ANO3: variants seen among roughly 807,000 people sequenced by gnomAD.
ANO3 encodes the protein anoctamin-3.
In ANO3, 99 loss-of-function variants were observed where a neutral mutation model predicts 144.8. That is an observed-to-expected ratio of 0.68 (90% confidence interval 0.58 to 0.81). ANO3 has a LOEUF of 0.81. Among genes scored for constraint, ANO3 ranks in the 30% least tolerant of loss-of-function variants. ANO3 has a pLI of 0.00. For synonymous variants in ANO3, 414 were observed against 392.6 expected, an observed-to-expected ratio of 1.05 and a Z score of -0.64; for missense variants, 905 against 1,202.2, an observed-to-expected ratio of 0.75 and a Z score of 3.66.
Position 26,656,400 on chromosome 11 carries a change from C to T in ANO3, c.2682C>T (p.Pro894=), listed in dbSNP as rs10835051. Residue 894 remains proline (P), a synonymous_variant, in exon 26 of 27, where the codon CCC becomes CCT. Coordinates refer to ENST00000256737, the MANE Select transcript of ANO3 (RefSeq NM_031418.4). ...GGTACAGAGACTACAGAGGCCCGCC[C>T]TGGAGTTCCAAACCCTATGAGTTTA... is the stretch of plus-strand genomic sequence containing the variant. ...YCRYRDYRGP[P]WSSKPYEFTL... The T allele has an allele frequency of 0.64, 1,025,676 of 1,605,074 alleles. 333,404 individuals carry two copies. Among genetic ancestry groups the T allele is most frequent in the South Asian group, 0.75 (68,128 of 90,864 alleles).
chr11:26,598,134 C>G (rs1165494981), intron 14 of ANO3, among the ~76,000 whole-genome samples: 1 of 152,116 alleles, frequency 6.6e-6, no homozygotes, highest in Non-Finnish European at 1.5e-5. Flanking sequence ...GACAAAAAGT[C>G]CCTGCTTCTT....
intron 13 of ANO3, among the ~76,000 whole-genome samples, chr11:26,556,678 A>AT (rs1317006022): frequency 2.0e-5 from 3 of 152,252 alleles, no homozygotes; most frequent in Admixed American, 2.0e-4. Flanking sequence ...TCAAGACTGC[A>AT]TTTTTTATGT....
chr11:26,586,864 G>A (rs1451256502), intron 14 of ANO3, among the ~76,000 whole-genome samples: 1 of 151,868 alleles, frequency 6.6e-6, no homozygotes, highest in Non-Finnish European at 1.5e-5. Context: ...CCAGCCAGGA[G>A]CCCAGAGTTA....
intron 1 of ANO3, among the ~76,000 whole-genome samples, chr11:26,315,624 A>G (rs1393527799): frequency 6.6e-6 from 1 of 151,576 alleles, no homozygotes; most frequent in African/African-American, 2.4e-5. Flanking sequence ...TTTTTTTTCA[A>G]GAGAAATTGC....
intron 17 of ANO3, among the ~76,000 whole-genome samples, chr11:26,621,638 A>G (rs890675002): frequency 6.6e-6 from 1 of 151,972 alleles, no homozygotes; most frequent in Non-Finnish European, 1.5e-5. Context: ...CTGACCAATT[A>G]TGTATTTATT....
intron 1 of ANO3, among the ~76,000 whole-genome samples, chr11:26,260,716 A>T (rs1399738432): frequency 2.0e-5 from 3 of 152,236 alleles, no homozygotes; most frequent in Non-Finnish European, 4.4e-5. Context: ...CCAAGGAAGT[A>T]AGGATTAGGC....
At chr11:26,526,907 T>C (rs1590461630) in intron 7 of ANO3, among the ~76,000 whole-genome samples, 1 of 152,128 alleles carries the variant, frequency 6.6e-6, no homozygotes, top group East Asian at 1.9e-4. Context: ...AATTAGTCAT[T>C]GGAATATTAC....
chr11:26,250,391 G>A (rs916760245), intron 1 of ANO3, among the ~76,000 whole-genome samples: 2 of 152,164 alleles, frequency 1.3e-5, no homozygotes, highest in Admixed American at 1.3e-4. Context: ...GAGCTGAAGA[G>A]GACCACAACA....
intron 5 of ANO3, among the ~76,000 whole-genome samples, chr11:26,509,724 G>T (rs539178796): frequency 1.6e-4 from 25 of 152,222 alleles, no homozygotes; most frequent in Middle Eastern, 3.4e-3. Flanking sequence ...ATCATCAGAG[G>T]GTTAATAGGC....
At chr11:26,489,113 C>T (rs555038198) in intron 4 of ANO3, among the ~76,000 whole-genome samples, 16 of 152,290 alleles carry the variant, frequency 1.1e-4, no homozygotes, top group African/African-American at 3.6e-4. Flanking sequence ...CCCGGAGGCC[C>T]AGGAGGAAAA....
At chr11:26,468,923 T>G (rs1161565972) in intron 4 of ANO3, among the ~76,000 whole-genome samples, 1 of 151,988 alleles carries the variant, frequency 6.6e-6, no homozygotes, top group Non-Finnish European at 1.5e-5. Context: ...TATTATTAAG[T>G]GGTATCCTAA....
At chr11:26,329,152 C>T (rs922711014), upstream of ANO3, among the ~76,000 whole-genome samples, 1 of 152,094 alleles carries the variant, frequency 6.6e-6, no homozygotes, top group African/African-American at 2.4e-5. Context: ...ACTTGCTATC[C>T]ATTCTTAAAC....
chr11:26,597,860 A>G (rs1180804158), intron 14 of ANO3, among the ~76,000 whole-genome samples: 1 of 152,188 alleles, frequency 6.6e-6, no homozygotes, highest in Non-Finnish European at 1.5e-5. Context: ...TTTTCAGTCC[A>G]TGTAGAGTCC....
At chr11:26,284,121 C>T (rs529655621) in intron 1 of ANO3, among the ~76,000 whole-genome samples, 5 of 152,074 alleles carry the variant, frequency 3.3e-5, no homozygotes, top group Non-Finnish European at 7.4e-5. Flanking sequence ...GCTCTAAGTG[C>T]AGTGGGAAGC....
At chr11:26,392,484 C>A (rs770598254) in intron 1 of ANO3, among the ~76,000 whole-genome samples, 24 of 151,702 alleles carry the variant, frequency 1.6e-4, no homozygotes, top group Non-Finnish European at 3.1e-4. Context: ...CTGAGGGAAC[C>A]ACTATTTTTA....
At chr11:26,602,168 T>C (rs1366213369) in intron 17 of ANO3, among the ~76,000 whole-genome samples, 1 of 152,184 alleles carries the variant, frequency 6.6e-6, no homozygotes, top group African/African-American at 2.4e-5. Flanking sequence ...AACCCACAGA[T>C]GGACAGAAGC....
chr11:26,260,558 A>G (rs1853163552), intron 1 of ANO3, among the ~76,000 whole-genome samples: 1 of 152,166 alleles, frequency 6.6e-6, no homozygotes. Context: ...TTGGAAAAGG[A>G]GAATAACACT....
intron 23 of ANO3, among the ~76,000 whole-genome samples, chr11:26,645,705 G>T (rs117072300): frequency 2.6e-5 from 4 of 151,976 alleles, no homozygotes; most frequent in African/African-American, 7.3e-5. Flanking sequence ...GGGCCTTTTT[G>T]GGGGGCAGAG....
At chr11:26,491,779 A>G (rs1186073331) in intron 4 of ANO3, among the ~76,000 whole-genome samples, 1 of 152,188 alleles carries the variant, frequency 6.6e-6, no homozygotes, top group Non-Finnish European at 1.5e-5. Context: ...CCCCACTTCC[A>G]TGCTCACTGC....
Sources: gnomAD v4.1 joint callset for allele counts (sites outside exome capture counted in the v4.1 genomes callset) on GRCh38, gnomAD v4.1.1 for gene constraint, MANE v1.5 for transcripts, NCBI Gene and HGNC (gene_info 2026-07-23, HGNC 2026-07-21) for gene names.